Variants in CCDC12 observed in about 807,000 individuals in gnomAD.
CCDC12 encodes the protein coiled-coil domain containing 12.
Under a neutral mutation model 25.7 loss-of-function variants are expected in CCDC12, and 28 were observed. The observed-to-expected ratio is 1.09, with a 90% CI of 0.81 to 1.50. The LOEUF (loss-of-function observed/expected upper bound fraction) is 1.50, where lower values mean the gene tolerates loss of function less well. Ranked by LOEUF, CCDC12 falls within the 40% of genes most tolerant of loss-of-function variation. The pLI is 0.00. For synonymous variants in CCDC12, 75 were observed against 87.7 expected, an observed-to-expected ratio of 0.86 and a Z score of 0.81; for missense variants, 198 against 210.0, an observed-to-expected ratio of 0.94 and a Z score of 0.35.
intron 1 of CCDC12, among the ~76,000 whole-genome samples, chr3:46,963,405 CCCT>C (rs2034521667): frequency 8.5e-4 from 2 of 2,358 alleles, no homozygotes; most frequent in African/African-American, 1.1e-3. Context: ...CTCTCCCTCT[CCCT>C]CTCCTCACGG....
chr3:46,922,182 G>A (rs770532094), intron 6 of CCDC12, 43 bp from the exon 7 acceptor site: 6 of 1,613,922 alleles, frequency 3.7e-6, no homozygotes, highest in East Asian at 2.2e-5. Flanking sequence ...GGGGCCCGGT[G>A]CTTGGGCCAC....
At position 46,923,948 on chromosome 3, in the gene CCDC12, C is replaced by T. The variant is rs142347962; in HGVS notation, c.245-280G>A. Reference sequence around the variant, plus strand: ...GAAGCATGGATGCTGACAATAACTACAAGACCAGAGAGCTGCCTGGATACA... The same window carrying T: ...GAAGCATGGATGCTGACAATAACTATAAGACCAGAGAGCTGCCTGGATACA... On this transcript the variant is annotated intron_variant, in intron 3 of 6. Transcript: ENST00000683445. 2.4e-3 allele frequency: 873 copies of T among 357,550 alleles called. 8 individuals carry two copies. The highest frequency in any genetic ancestry group is 0.015 in the African/African-American group (712 of 47,864). 22.1% of individuals were successfully genotyped at this position (357,550 alleles called of 1,614,324 possible).
Position 46,921,857 on chromosome 3 carries a change from G to C in CCDC12, c.*200C>G, listed in dbSNP as rs961129745. ...ACAGGCACGCCCAGAGTTGTTGCTG[G>C]TTCTGCCTCCATTCAGAATGGCAGG... On this transcript the variant is annotated 3_prime_UTR_variant, in exon 7 of 7. Transcript: ENST00000683445. 1 of 607,108 alleles carries C rather than the reference G, an allele frequency of 1.6e-6. No individual in the cohort carries two copies. Among genetic ancestry groups the C allele is most frequent in the Admixed American group, 3.0e-5 (1 of 33,866 alleles). 37.6% of individuals were successfully genotyped at this position (607,108 alleles called of 1,614,324 possible). A position where few individuals can be genotyped will look rare whatever the true frequency, so the allele number is the denominator to read the frequency against.
chr3:46,979,557 C>CGGCCCATA, upstream of CCDC12: 1 of 225,612 alleles, frequency 4.4e-6, no homozygotes, highest in East Asian at 8.2e-5. Flanking sequence ...CCGGGCCGCC[C>CGGCCCATA]GGCCCATAGG....
chr3:46,968,723 G>A (rs905856431), intron 1 of CCDC12, among the ~76,000 whole-genome samples: 1 of 152,214 alleles, frequency 6.6e-6, no homozygotes, highest in Non-Finnish European at 1.5e-5. Flanking sequence ...TGTGTGATGG[G>A]TGGAGGCTCC....
In CCDC12 at chr3:46,976,739, C is replaced by T. The variant is rs772089400; in HGVS notation, c.-7G>A. ...CAGCCGTAGTTGCCTCCATCTTGCC[C>T]GCGTACGCCCCTCCTTTTCTCCCGT... is the stretch of plus-strand genomic sequence containing the variant. On this transcript the variant is annotated 5_prime_UTR_variant, in exon 1 of 7. Coordinates refer to ENST00000683445, the MANE Select transcript of CCDC12 (RefSeq NM_001277074.2). 6.2e-7 allele frequency: 1 copy of T among 1,601,740 alleles called. No individual in the cohort carries two copies. The highest frequency in any genetic ancestry group is 8.5e-7 in the Non-Finnish European group (1 of 1,174,360).
intron 1 of CCDC12, among the ~76,000 whole-genome samples, chr3:46,951,613 T>A (rs2034115955): frequency 6.7e-6 from 1 of 148,632 alleles, no homozygotes; most frequent in Admixed American, 6.7e-5. Context: ...ACCCCGTCCC[T>A]ACTAAAAATA....
intron 2 of CCDC12, among the ~76,000 whole-genome samples, chr3:46,938,518 GTTTTTT>G (rs66474878): frequency 4.4e-5 from 4 of 91,380 alleles, no homozygotes; most frequent in Admixed American, 1.4e-4. Context: ...TTCCCCTCCT[GTTTTTT>G]TTTTTTTTTT....
chr3:46,964,648 T>C (rs1271161243), intron 1 of CCDC12, among the ~76,000 whole-genome samples: 1 of 152,198 alleles, frequency 6.6e-6, no homozygotes, highest in African/African-American at 2.4e-5. Context: ...ATCTATGACC[T>C]TACCCCCAAC....
chr3:46,928,617 C>G (rs185286197), intron 2 of CCDC12, among the ~76,000 whole-genome samples: 1 of 152,094 alleles, frequency 6.6e-6, no homozygotes, highest in African/African-American at 2.4e-5. Flanking sequence ...ACCATAAGAC[C>G]ATGAAATGGT....
intron 1 of CCDC12, among the ~76,000 whole-genome samples, chr3:46,970,471 C>T (rs1039991239): frequency 2.6e-5 from 4 of 152,120 alleles, no homozygotes; most frequent in Admixed American, 6.5e-5. Context: ...TGGCCCATGG[C>T]TACAGTACTA....
At chr3:46,967,186 C>A (rs550179746) in intron 1 of CCDC12, among the ~76,000 whole-genome samples, 30 of 152,286 alleles carry the variant, frequency 2.0e-4, no homozygotes, top group Non-Finnish European at 3.8e-4. Context: ...CCCTTCAAAG[C>A]CCCTCTCCCC....
intron 1 of CCDC12, among the ~76,000 whole-genome samples, chr3:46,971,593 C>A (rs1054237309): frequency 4.6e-5 from 7 of 152,180 alleles, no homozygotes; most frequent in Non-Finnish European, 7.3e-5. Context: ...TTCCATCTGC[C>A]ACAACCTCAG....
chr3:46,970,080 A>G (rs1226076882), intron 1 of CCDC12, among the ~76,000 whole-genome samples: 1 of 151,668 alleles, frequency 6.6e-6, no homozygotes, highest in Non-Finnish European at 1.5e-5. Flanking sequence ...AATTTTTTGT[A>G]TTTTTTGTGG....
chr3:46,937,624 T>C (rs556988393), intron 2 of CCDC12, among the ~76,000 whole-genome samples: 1 of 152,216 alleles, frequency 6.6e-6, no homozygotes, highest in Non-Finnish European at 1.5e-5. Context: ...GGGGGTTCTC[T>C]GGAATCAGCT....
At chr3:46,941,531 C>CTCCA (rs2033707513) in intron 1 of CCDC12, among the ~76,000 whole-genome samples, 2 of 150,690 alleles carry the variant, frequency 1.3e-5, no homozygotes, top group South Asian at 4.2e-4. Context: ...AGCCACTGCA[C>CTCCA]TCCAGCCTGG....
rs1379790386 is a variant in CCDC12, at chr3:46,921,745, TTTAC to T, written c.*308_*311del. Reference sequence around the variant, plus strand: ...GACACATTTCTGCCACACACAGGGGTTTACTTGTTTCTATTTCCAGATTTTTTTT... The same window carrying T: ...GACACATTTCTGCCACACACAGGGGTTTGTTTCTATTTCCAGATTTTTTTT... On this transcript the variant is annotated 3_prime_UTR_variant, in exon 7 of 7. Coordinates refer to ENST00000683445, the MANE Select transcript of CCDC12 (RefSeq NM_001277074.2). 2 of 353,558 alleles carry T rather than the reference TTTAC, an allele frequency of 5.7e-6. No individual in the cohort carries two copies. The highest frequency in any genetic ancestry group is 3.7e-5 in the South Asian group (1 of 26,916). 21.9% of individuals were successfully genotyped at this position (353,558 alleles called of 1,614,324 possible).
At position 46,940,717 on chromosome 3, in the gene CCDC12, G is replaced by C. The variant is rs889368303; in HGVS notation, c.164+281C>G. On this transcript the variant is annotated intron_variant, in intron 2 of 6. Transcript: ENST00000683445. ...GGCAATGGAGAACCACGCCACAAAA[G>C]GTGTATGAGAAGGGTAAAAAGGCAT... is the stretch of plus-strand genomic sequence containing the variant. 2.3e-5 allele frequency: 10 copies of C among 440,502 alleles called. No individual in the cohort carries two copies. In the East Asian group the frequency reaches 3.8e-4, roughly 17 times the overall value. 27.3% of individuals were successfully genotyped at this position (440,502 alleles called of 1,614,324 possible).
chr3:46,939,372 G>GA lies in CCDC12; in HGVS notation c.164+1625dup, dbSNP rs368044842. 2.5e-3 allele frequency among the ~76,000 whole-genome samples: 386 copies of GA among 152,112 alleles called. 5 individuals are homozygous for GA. The highest frequency in any genetic ancestry group is 8.6e-3 in the African/African-American group (358 of 41,484). On this transcript the variant is annotated intron_variant, in intron 2 of 6. Transcript: ENST00000683445. ...CTCATCGAGGAGGGGGAGGGGTGGG[G>GA]ATCAGAGAAAACACCACCAGCAAAT...
Sources: allele counts gnomAD v4.1 joint callset (sites outside exome capture counted in the v4.1 genomes callset), GRCh38; gene constraint gnomAD v4.1.1; transcripts MANE v1.5; gene names NCBI Gene and HGNC (gene_info 2026-07-23, HGNC 2026-07-21).